Variants in PDE7B observed in about 807,000 individuals in gnomAD.
PDE7B encodes the protein phosphodiesterase 7B.
In PDE7B, 29 loss-of-function variants were observed where a neutral mutation model predicts 56.2. That is an observed-to-expected ratio of 0.52 (90% CI 0.38 to 0.70). The LOEUF is 0.70. Among genes scored for constraint, PDE7B ranks in the 30% least tolerant of loss-of-function variants. The probability of loss-of-function intolerance (pLI) is 0.00; values close to 1 mark genes in which losing one functional copy is unlikely to be tolerated. For synonymous variants in PDE7B, 197 were observed against 196.9 expected (o/e 1.00, Z 0.00); for missense variants, 490 against 565.0 (o/e 0.87, Z 1.35).
intron 2 of PDE7B, among the ~76,000 whole-genome samples, chr6:136,065,299 G>A (rs1199548199): frequency 1.3e-5 from 2 of 152,090 alleles, no homozygotes; most frequent in African/African-American, 4.8e-5. Context: ...CCACCTTTGA[G>A]GCTAAATCAC....
chr6:136,079,726 CAAAAAAAAAAA>C (rs35447604), intron 2 of PDE7B, among the ~76,000 whole-genome samples: 3 of 94,438 alleles, frequency 3.2e-5, no homozygotes, highest in Non-Finnish European at 7.0e-5. Flanking sequence ...ATTAGGAAGA[CAAAAAAAAAAA>C]AAAAAAAAAG....
chr6:136,170,944 G>A (rs985830865), intron 8 of PDE7B, among the ~76,000 whole-genome samples: 4 of 152,090 alleles, frequency 2.6e-5, no homozygotes, highest in African/African-American at 9.7e-5. Context: ...AAGTTTCAAC[G>A]TGTGTTTTGG....
At chr6:136,033,040 GAA>G (rs1370876606) in intron 2 of PDE7B, among the ~76,000 whole-genome samples, 1 of 152,204 alleles carries the variant, frequency 6.6e-6, no homozygotes, top group Non-Finnish European at 1.5e-5. Context: ...GTGAAATTCT[GAA>G]AAGTGTACTC....
chr6:136,149,157 T>C lies in PDE7B; in HGVS notation c.382+7T>C. The C allele has an allele frequency of 6.3e-7, 1 of 1,584,198 alleles. No homozygotes were observed. The highest frequency in any genetic ancestry group is 8.7e-7 in the Non-Finnish European group (1 of 1,152,700). ...TTTGATCGCTTGACAAATGGTAAGT[T>C]ACCCAAAAGAATTCTCACTAAAATA... On this transcript the variant is annotated splice_region_variant and intron_variant, in intron 5 of 12. Transcript: ENST00000308191.
At chr6:135,911,859 C>T (rs1196529520) in intron 1 of PDE7B, among the ~76,000 whole-genome samples, 1 of 152,098 alleles carries the variant, frequency 6.6e-6, no homozygotes, top group African/African-American at 2.4e-5. Context: ...TTTTTGACTA[C>T]TAGAAATATT....
chr6:135,984,596 A>G (rs1488850483), intron 2 of PDE7B, among the ~76,000 whole-genome samples: 1 of 152,146 alleles, frequency 6.6e-6, no homozygotes, highest in Non-Finnish European at 1.5e-5. Context: ...GGTCTATTCC[A>G]GGAAAAATAC....
At chr6:135,965,999 T>C (rs141459688) in intron 2 of PDE7B, among the ~76,000 whole-genome samples, 90 of 152,346 alleles carry the variant, frequency 5.9e-4, no homozygotes, top group African/African-American at 1.8e-3. Flanking sequence ...GCCTGCAGTA[T>C]ATTGCCATTG....
intron 1 of PDE7B, among the ~76,000 whole-genome samples, chr6:135,865,745 C>T (rs1775246204): frequency 6.6e-6 from 1 of 151,976 alleles, no homozygotes; most frequent in Non-Finnish European, 1.5e-5. Flanking sequence ...ACATTTGCTT[C>T]AGCAGTTATC....
chr6:136,089,615 G>A (rs1027434979), intron 2 of PDE7B, among the ~76,000 whole-genome samples: 4 of 152,158 alleles, frequency 2.6e-5, no homozygotes, highest in East Asian at 1.9e-4. Context: ...TGACACTGTT[G>A]TAGATTTTCC....
At chr6:136,184,850 C>CA (rs1562516720) in intron 11 of PDE7B, among the ~76,000 whole-genome samples, 1 of 151,590 alleles carries the variant, frequency 6.6e-6, no homozygotes, top group Non-Finnish European at 1.5e-5. Context: ...TGAAAGGGGG[C>CA]AAAAAAAGTT....
At chr6:136,045,904 A>T (rs1304833142) in intron 2 of PDE7B, among the ~76,000 whole-genome samples, 2 of 150,284 alleles carry the variant, frequency 1.3e-5, no homozygotes, top group African/African-American at 4.8e-5. Flanking sequence ...CAATAATTAG[A>T]ATTTTAATGC....
Position 135,902,727 on chromosome 6 carries a change from C to T in PDE7B, c.22-44737C>T, listed in dbSNP as rs556549519. Among the ~76,000 whole-genome samples, 7 of 152,236 alleles carry T rather than the reference C, an allele frequency of 4.6e-5. No individual in the cohort carries two copies. In the South Asian group the frequency reaches 1.5e-3, roughly 32 times the overall value. ...CTTGGAAGTATTTTAAAGGACTTAC[C>T]TGACAAGCAGATATAACTGGTGTTT... On this transcript the variant is annotated intron_variant, in intron 1 of 12. Coordinates refer to ENST00000308191, the MANE Select transcript of PDE7B (RefSeq NM_018945.4).
intron 2 of PDE7B, among the ~76,000 whole-genome samples, chr6:136,080,462 G>T (rs1777188927): frequency 6.6e-6 from 1 of 152,154 alleles, no homozygotes. Flanking sequence ...GGAGGAATGT[G>T]GAAATATGAG....
intron 2 of PDE7B, among the ~76,000 whole-genome samples, chr6:135,952,322 T>C (rs960593011): frequency 6.6e-6 from 1 of 152,136 alleles, no homozygotes; most frequent in Admixed American, 6.6e-5. Flanking sequence ...CTAAAACATA[T>C]GAATATAAGG....
At chr6:135,911,541 CA>C in intron 1 of PDE7B, among the ~76,000 whole-genome samples, 1 of 152,284 alleles carries the variant, frequency 6.6e-6, no homozygotes, top group Non-Finnish European at 1.5e-5. Flanking sequence ...TGAGTTGACC[CA>C]GAAACATTCT....
chr6:136,071,590 C>T (rs537329843), intron 2 of PDE7B, among the ~76,000 whole-genome samples: 7 of 152,310 alleles, frequency 4.6e-5, no homozygotes, highest in African/African-American at 1.7e-4. Context: ...AAATTATAAA[C>T]TTCTCTGGAT....
chr6:135,940,587 C>A (rs1562447147), intron 1 of PDE7B, among the ~76,000 whole-genome samples: 1 of 152,186 alleles, frequency 6.6e-6, no homozygotes, highest in African/African-American at 2.4e-5. Flanking sequence ...GCTCTACAGA[C>A]CTAAACTACT....
At chr6:136,156,066 A>G (rs764064554) in intron 8 of PDE7B, 18 of 421,230 alleles carry the variant, frequency 4.3e-5, no homozygotes, top group Non-Finnish European at 7.4e-5. Flanking sequence ...CCTTACTAGA[A>G]TAAAGTGAGC....
At chr6:135,869,390 G>C (rs1449002435) in intron 1 of PDE7B, among the ~76,000 whole-genome samples, 1 of 151,978 alleles carries the variant, frequency 6.6e-6, no homozygotes, top group Non-Finnish European at 1.5e-5. Flanking sequence ...TCTAATATAT[G>C]GATAAAATTG....
Sources: allele counts gnomAD v4.1 joint callset (sites outside exome capture counted in the v4.1 genomes callset), GRCh38; gene constraint gnomAD v4.1.1; transcripts MANE v1.5; gene names NCBI Gene and HGNC (gene_info 2026-07-23, HGNC 2026-07-21).